Variants in ARHGEF10L observed in about 807,000 individuals in gnomAD.
ARHGEF10L encodes Rho guanine nucleotide exchange factor 10 like.
A neutral mutation model predicts 141.2 loss-of-function variants in ARHGEF10L; 69 were observed. The observed-to-expected ratio is 0.49, with a 90% CI of 0.40 to 0.60. The LOEUF (loss-of-function observed/expected upper bound fraction) is 0.60. ARHGEF10L is among the 20% of genes least tolerant of loss of function. ARHGEF10L has a pLI of 0.00. For missense variants in ARHGEF10L, 1,482 were observed against 1,734.3 expected (o/e 0.85, Z 2.58); for synonymous variants, 711 against 718.5 (o/e 0.99, Z 0.17).
chr1:17,688,407 G>A (rs1217490198), intron 27 of ARHGEF10L, among the ~76,000 whole-genome samples: 1 of 152,206 alleles, frequency 6.6e-6, no homozygotes, highest in Admixed American at 6.5e-5. Flanking sequence ...TGCTCAAGAT[G>A]CAGGCACCAT....
At chr1:17,550,437 G>T (rs2077068578) in intron 1 of ARHGEF10L, among the ~76,000 whole-genome samples, 2 of 152,284 alleles carry the variant, frequency 1.3e-5, no homozygotes, top group South Asian at 4.1e-4. Context: ...GAGGTTGGGA[G>T]TTTGAGACCA....
intron 8 of ARHGEF10L, among the ~76,000 whole-genome samples, chr1:17,614,917 A>C (rs931179964): frequency 6.6e-6 from 1 of 151,952 alleles, no homozygotes; most frequent in African/African-American, 2.4e-5. Context: ...GTGGGGACCA[A>C]AGGGTTATTG....
intron 4 of ARHGEF10L, among the ~76,000 whole-genome samples, chr1:17,591,871 C>T (rs1300842878): frequency 2.0e-5 from 3 of 152,174 alleles, no homozygotes; most frequent in Non-Finnish European, 4.4e-5. Flanking sequence ...TACTTGTACC[C>T]CTAGGAGCCC....
At chr1:17,524,945 T>G in the ARHGEF10L span, among the ~76,000 whole-genome samples, 45 of 152,324 alleles carry the variant, frequency 3.0e-4, no homozygotes, top group African/African-American at 1.0e-3. Flanking sequence ...GTAAGTCCTC[T>G]TCTCCCCTGC....
intron 11 of ARHGEF10L, among the ~76,000 whole-genome samples, 175 bp from the exon 12 acceptor site, chr1:17,622,821 C>T (rs2060176838): frequency 6.6e-6 from 1 of 152,150 alleles, no homozygotes; most frequent in Non-Finnish European, 1.5e-5. Context: ...CCAGTGAGGC[C>T]AGGGGTGTTA....
chr1:17,652,584 C>T (rs951521979), intron 22 of ARHGEF10L, among the ~76,000 whole-genome samples: 3 of 152,168 alleles, frequency 2.0e-5, no homozygotes, highest in Non-Finnish European at 4.4e-5. Context: ...AAGGTGAGGA[C>T]ACCGGAGTCT....
chr1:17,674,356 G>A (rs1028296464), intron 26 of ARHGEF10L, among the ~76,000 whole-genome samples: 1 of 152,192 alleles, frequency 6.6e-6, no homozygotes, highest in South Asian at 2.1e-4. Flanking sequence ...GGGGAGAGAA[G>A]CGAGCTTCAT....
Position 17,638,007 on chromosome 1 carries a change from C to G in ARHGEF10L, c.2043+4C>G. 2 of 1,572,278 alleles carry G rather than the reference C, an allele frequency of 1.3e-6. No individual in the cohort carries two copies. The highest frequency in any genetic ancestry group is 1.7e-6 in the Non-Finnish European group (2 of 1,158,034). On this transcript the variant is annotated splice_donor_region_variant and intron_variant, in intron 19 of 28. Coordinates refer to ENST00000361221, the MANE Select transcript of ARHGEF10L (RefSeq NM_018125.4). Reference sequence around the variant, plus strand: ...CACGCTGCACGGCACCTACCAGGTACGTGGCCTGGCCTGACCTTTTTGGCC... The same window carrying G: ...CACGCTGCACGGCACCTACCAGGTAGGTGGCCTGGCCTGACCTTTTTGGCC...
chr1:17,600,212 G>A (rs1248086384), intron 4 of ARHGEF10L, among the ~76,000 whole-genome samples: 2 of 152,178 alleles, frequency 1.3e-5, no homozygotes, highest in Admixed American at 6.5e-5. Context: ...CTCACAGGAG[G>A]TGCTCAACAG....
In ARHGEF10L at chr1:17,632,222, C is replaced by T; in HGVS notation, c.1585-99C>T. The T allele has an allele frequency of 2.0e-6, 3 of 1,489,812 alleles. No homozygotes were observed. The East Asian group carries it at 6.8e-5, about 34-fold the overall frequency. 92.3% of individuals were successfully genotyped at this position (1,489,812 alleles called of 1,614,324 possible). A position where few individuals can be genotyped will look rare whatever the true frequency, so the allele number is the denominator to read the frequency against. On this transcript the variant is annotated intron_variant, in intron 15 of 28. Coordinates refer to ENST00000361221, the MANE Select transcript of ARHGEF10L (RefSeq NM_018125.4). ...TCATCTCCTCCACCTCTCCCAGCCTCAGTCTCCCTTTCTGCACCATGGGAG... is the reference window on the plus strand; with the variant it reads ...TCATCTCCTCCACCTCTCCCAGCCTTAGTCTCCCTTTCTGCACCATGGGAG...
chr1:17,606,282 T>TTTC (rs534097160), intron 6 of ARHGEF10L, among the ~76,000 whole-genome samples: 28 of 152,160 alleles, frequency 1.8e-4, no homozygotes, highest in Admixed American at 6.5e-4. Context: ...GCAGATTTCT[T>TTTC]TTCTTCTTCT....
rs986502697 is a variant in ARHGEF10L, at chr1:17,697,472, A to G, written c.*92A>G. 8 of 1,448,548 alleles carry G rather than the reference A, an allele frequency of 5.5e-6. No homozygotes were observed. The African/African-American group carries it at 1.1e-4, about 21-fold the overall frequency. 89.7% of individuals were successfully genotyped at this position (1,448,548 alleles called of 1,614,324 possible). On this transcript the variant is annotated 3_prime_UTR_variant, in exon 29 of 29. Transcript: ENST00000361221. The surrounding 1 kb of genome is among the most constrained non-coding windows in gnomAD (Gnocchi z 4.8). Reference sequence around the variant, plus strand: ...TCTAGGACCTGCACGGGACTTGTGGATGGGCCTGGACTCTCCAGAAACTAC... The same window carrying G: ...TCTAGGACCTGCACGGGACTTGTGGGTGGGCCTGGACTCTCCAGAAACTAC...
intron 15 of ARHGEF10L, among the ~76,000 whole-genome samples, chr1:17,630,630 G>A (rs2060628866): frequency 6.6e-6 from 1 of 152,226 alleles, no homozygotes. Flanking sequence ...GCTCTGTCCT[G>A]TGCTGTCAAT....
the ARHGEF10L span, among the ~76,000 whole-genome samples, chr1:17,520,847 G>A: frequency 6.6e-6 from 1 of 152,212 alleles, no homozygotes; most frequent in African/African-American, 2.4e-5. Context: ...TTACAGCTGG[G>A]AAAACTGAGG....
At chr1:17,601,072 AAAAC>A (rs2080631479) in intron 4 of ARHGEF10L, among the ~76,000 whole-genome samples, 1 of 151,796 alleles carries the variant, frequency 6.6e-6, no homozygotes, top group African/African-American at 2.4e-5. Flanking sequence ...AAAAAAACAA[AAAAC>A]AAAAAACTCT....
chr1:17,522,482 A>G, the ARHGEF10L span, among the ~76,000 whole-genome samples: 28 of 150,402 alleles, frequency 1.9e-4, no homozygotes, highest in East Asian at 4.7e-3. Flanking sequence ...TGCCTCCCCA[A>G]CCCCCCGACC....
intron 2 of ARHGEF10L, among the ~76,000 whole-genome samples, chr1:17,583,833 T>C (rs1179221815): frequency 6.6e-6 from 1 of 152,024 alleles, no homozygotes; most frequent in Non-Finnish European, 1.5e-5. Flanking sequence ...AGGGACTTTG[T>C]GGTCATTTAT....
chr1:17,561,645 G>A (rs770976015), intron 1 of ARHGEF10L, among the ~76,000 whole-genome samples: 1 of 152,232 alleles, frequency 6.6e-6, no homozygotes, highest in Non-Finnish European at 1.5e-5. Context: ...CTTGGCGTAG[G>A]TCCCTGGGGC....
chr1:17,544,467 G>A (rs1310256013), intron 1 of ARHGEF10L, among the ~76,000 whole-genome samples: 1 of 150,212 alleles, frequency 6.7e-6, no homozygotes, highest in Non-Finnish European at 1.5e-5. Context: ...GCTAATTTTT[G>A]TATTTTTAGT....
Sources: allele counts gnomAD v4.1 joint callset (sites outside exome capture counted in the v4.1 genomes callset), GRCh38; gene constraint gnomAD v4.1.1; non-coding constraint Gnocchi (gnomAD v3.1); transcripts MANE v1.5; gene names NCBI Gene and HGNC (gene_info 2026-07-23, HGNC 2026-07-21).